The following MBD5 variants were observed in gnomAD, a reference collection of about 807,000 sequenced individuals.
MBD5 encodes the protein methyl-CpG binding domain protein 5, also known as methyl-CpG-binding domain protein 5.
In MBD5, 13 loss-of-function variants were observed where a neutral mutation model predicts 117.3. The ratio of observed to expected loss-of-function variants is 0.11; its 90% CI spans 0.07 to 0.18. The LOEUF (loss-of-function observed/expected upper bound fraction) is 0.18. MBD5 is among the 10% of genes least tolerant of loss of function. The probability of loss-of-function intolerance (pLI) is 1.00; values close to 1 mark genes in which losing one functional copy is unlikely to be tolerated. For missense variants in MBD5, 1,879 were observed against 2,093.8 expected (o/e 0.90, Z 2.00); for synonymous variants, 727 against 766.4 (o/e 0.95, Z 0.85).
intron 2 of MBD5, among the ~76,000 whole-genome samples, chr2:148,200,260 T>C (rs1391287628): frequency 6.6e-6 from 1 of 152,010 alleles, no homozygotes; most frequent in East Asian, 1.9e-4. Context: ...CACTAGAAAC[T>C]ACGCAACACC....
intron 2 of MBD5, among the ~76,000 whole-genome samples, chr2:148,201,622 G>A (rs960952711): frequency 3.9e-5 from 6 of 152,134 alleles, no homozygotes; most frequent in African/African-American, 9.7e-5. Context: ...CAGTCGGTCC[G>A]AAGTTCTTGT....
At position 148,458,590 on chromosome 2, in the gene MBD5, A is replaced by C. The variant is rs1437933707; in HGVS notation, c.-169A>C. 4.6e-6 allele frequency: 3 copies of C among 646,774 alleles called. No individual in the cohort carries two copies. Among genetic ancestry groups the C allele is most frequent in the Non-Finnish European group, 8.4e-6 (3 of 356,738 alleles). The allele number at this position is 646,774 out of a possible 1,614,324, so 40.1% of individuals were successfully genotyped here. ...GGAAGCTGATTTTTTTCACAATGGCATATTTCAAGGACTTGGTTCCAAACT... is the reference window on the plus strand; with the variant it reads ...GGAAGCTGATTTTTTTCACAATGGCCTATTTCAAGGACTTGGTTCCAAACT... On this transcript the variant is annotated 5_prime_UTR_variant, in exon 5 of 14. Transcript: ENST00000642680.
At chr2:148,399,895 G>C (rs1321372324) in intron 4 of MBD5, among the ~76,000 whole-genome samples, 1 of 152,248 alleles carries the variant, frequency 6.6e-6, no homozygotes, top group African/African-American at 2.4e-5. Flanking sequence ...GGCCTTTTCT[G>C]CATCTATTGA....
At chr2:148,328,983 T>G (rs1032201286) in intron 3 of MBD5, among the ~76,000 whole-genome samples, 1 of 152,232 alleles carries the variant, frequency 6.6e-6, no homozygotes, top group African/African-American at 2.4e-5. Flanking sequence ...ATTTTAAAAT[T>G]CTTAATTGAA....
intron 3 of MBD5, among the ~76,000 whole-genome samples, chr2:148,270,393 A>ATTT (rs11439214): frequency 3.0e-4 from 43 of 141,696 alleles, no homozygotes; most frequent in Admixed American, 1.6e-3. Flanking sequence ...CTTCCTTTCT[A>ATTT]TTTTTTTTTT....
At chr2:148,324,318 C>T (rs960156233) in intron 3 of MBD5, among the ~76,000 whole-genome samples, 18 of 150,744 alleles carry the variant, frequency 1.2e-4, no homozygotes, top group South Asian at 4.2e-4. Flanking sequence ...ATTGACTTGC[C>T]GGCTCTTTTG....
intron 1 of MBD5, among the ~76,000 whole-genome samples, chr2:148,127,414 A>C (rs1696928526): frequency 6.6e-6 from 1 of 152,038 alleles, no homozygotes; most frequent in Non-Finnish European, 1.5e-5. Context: ...AGGCCCCAGT[A>C]TGTATTCTTC....
intron 1 of MBD5, chr2:148,026,506 TTGTAA>T (rs1209203194): frequency 6.6e-6 from 1 of 152,198 alleles, no homozygotes; most frequent in Non-Finnish European, 1.5e-5. Context: ...GACTCAACGC[TTGTAA>T]TGTAATCCCA....
intron 3 of MBD5, among the ~76,000 whole-genome samples, chr2:148,329,086 G>C (rs1702560861): frequency 1.3e-5 from 2 of 152,074 alleles, no homozygotes; most frequent in African/African-American, 4.8e-5. Flanking sequence ...TAGAGGGTGA[G>C]ACAAAAATCA....
rs537880231 is a variant in MBD5, at chr2:148,095,636, A to G, written c.-925+73952A>G. On this transcript the variant is annotated intron_variant, in intron 1 of 13. Transcript: ENST00000642680. ...AAGTATTGTAGGGTGTGCAGAATAAAGCAGATGTGCACATTTATATAGATT... is the reference window on the plus strand; with the variant it reads ...AAGTATTGTAGGGTGTGCAGAATAAGGCAGATGTGCACATTTATATAGATT... Among the ~76,000 whole-genome samples the G allele has an allele frequency of 2.0e-5, 3 of 152,290 alleles. No homozygotes were observed. In the East Asian group the frequency reaches 5.8e-4, roughly 29 times the overall value.
intron 3 of MBD5, among the ~76,000 whole-genome samples, chr2:148,335,926 C>T (rs1352403820): frequency 6.6e-6 from 1 of 152,126 alleles, no homozygotes; most frequent in Non-Finnish European, 1.5e-5. Flanking sequence ...ACAGCTAGTG[C>T]ATGACAAAAG....
At chr2:148,442,717 C>A (rs1026056830) in intron 4 of MBD5, among the ~76,000 whole-genome samples, 4 of 151,104 alleles carry the variant, frequency 2.6e-5, no homozygotes, top group African/African-American at 7.4e-5. Flanking sequence ...AAACTAGACC[C>A]CTATCTCTTG....
intron 4 of MBD5, among the ~76,000 whole-genome samples, chr2:148,386,490 G>C (rs1431644935): frequency 1.3e-5 from 2 of 151,746 alleles, no homozygotes; most frequent in East Asian, 3.9e-4. Flanking sequence ...AGGCCGAGGC[G>C]GGCGGATCAC....
chr2:148,128,367 T>C (rs1696952632), intron 1 of MBD5, among the ~76,000 whole-genome samples: 1 of 152,236 alleles, frequency 6.6e-6, no homozygotes, highest in African/African-American at 2.4e-5. Flanking sequence ...ATATGTATTA[T>C]TGATCCTTAT....
intron 2 of MBD5, among the ~76,000 whole-genome samples, chr2:148,179,215 C>T (rs899047704): frequency 2.1e-4 from 32 of 151,764 alleles, no homozygotes; most frequent in African/African-American, 7.7e-4. Context: ...ATTAGGCGGG[C>T]GTGGTGGCAG....
chr2:148,165,278 T>A (rs567947451), intron 1 of MBD5, among the ~76,000 whole-genome samples: 28 of 152,122 alleles, frequency 1.8e-4, no homozygotes, highest in Non-Finnish European at 2.6e-4. Context: ...TTTCTTCATT[T>A]AGATTGTAAT....
intron 3 of MBD5, among the ~76,000 whole-genome samples, chr2:148,324,036 G>C (rs1441490955): frequency 1.3e-5 from 2 of 152,140 alleles, no homozygotes; most frequent in East Asian, 3.9e-4. Context: ...GTAAGGAAGG[G>C]ATCCAGTTAC....
chr2:148,331,399 T>A (rs1404164208), intron 3 of MBD5, among the ~76,000 whole-genome samples: 1 of 152,122 alleles, frequency 6.6e-6, no homozygotes, highest in Non-Finnish European at 1.5e-5. Flanking sequence ...ATTTAAGATT[T>A]ACTTTTGTAA....
chr2:148,147,564 G>T (rs1454943027), intron 1 of MBD5, among the ~76,000 whole-genome samples: 1 of 152,086 alleles, frequency 6.6e-6, no homozygotes, highest in Non-Finnish European at 1.5e-5. Flanking sequence ...TTAAGTAAAT[G>T]TTAACTGTCA....
Sources: gnomAD v4.1 joint callset for allele counts (sites outside exome capture counted in the v4.1 genomes callset) on GRCh38, gnomAD v4.1.1 for gene constraint, MANE v1.5 for transcripts, NCBI Gene and HGNC (gene_info 2026-07-23, HGNC 2026-07-21) for gene names.